The following FUT8 variants were observed in gnomAD, a reference collection of about 807,000 sequenced individuals.
FUT8 encodes fucosyltransferase 8.
In FUT8, 29 loss-of-function variants were observed where a neutral mutation model predicts 71.3. The observed-to-expected ratio is 0.41, with a 90% confidence interval of 0.30 to 0.55. FUT8 has a LOEUF of 0.55. Ranked by LOEUF, FUT8 falls within the 20% of genes least tolerant of loss-of-function variation. FUT8 has a pLI of 0.34. For synonymous variants in FUT8, 254 were observed against 239.3 expected (o/e 1.06, Z -0.57); for missense variants, 544 against 702.1 (o/e 0.77, Z 2.55).
chr14:65,421,767 T>A (rs1178505297), intron 1 of FUT8, among the ~76,000 whole-genome samples: 1 of 125,874 alleles, frequency 7.9e-6, no homozygotes, highest in Non-Finnish European at 1.6e-5. Context: ...TTTTGCCATA[T>A]CCACAGTCTT....
intron 2 of FUT8, among the ~76,000 whole-genome samples, chr14:65,557,405 T>C (rs952465460): frequency 5.9e-5 from 9 of 151,396 alleles, no homozygotes; most frequent in African/African-American, 2.2e-4. Context: ...TGATCTCGGC[T>C]CACTGCAACC....
At chr14:65,721,096 C>T (rs1023264299) in intron 7 of FUT8, among the ~76,000 whole-genome samples, 19 of 152,188 alleles carry the variant, frequency 1.2e-4, no homozygotes, top group African/African-American at 3.9e-4. Flanking sequence ...AAGTTAAAAT[C>T]AGGTACTGTG....
intron 9 of FUT8, among the ~76,000 whole-genome samples, chr14:65,731,616 T>G (rs1283991405): frequency 2.6e-5 from 4 of 152,208 alleles, no homozygotes; most frequent in Non-Finnish European, 1.5e-5. Flanking sequence ...GAGATAGGCC[T>G]GAGAGCTCTT....
At chr14:65,600,342 A>G (rs1259048325) in intron 3 of FUT8, among the ~76,000 whole-genome samples, 5 of 152,138 alleles carry the variant, frequency 3.3e-5, no homozygotes, top group Admixed American at 1.3e-4. Context: ...AGCTCTAAGT[A>G]GTCAGTGATT....
At chr14:65,433,986 T>G (rs1034406207) in intron 1 of FUT8, among the ~76,000 whole-genome samples, 8 of 152,186 alleles carry the variant, frequency 5.3e-5, no homozygotes, top group African/African-American at 1.9e-4. Flanking sequence ...TTCAAATGTG[T>G]GTGATTGCCC....
At chr14:65,455,857 T>C (rs2065887532) in intron 2 of FUT8, 139 bp downstream of exon 2, 1 of 391,666 alleles carries the variant, frequency 2.6e-6, no homozygotes, top group African/African-American at 2.1e-5. Context: ...TCTGTTGAAT[T>C]GTGTATTAGT....
rs2065176999 is a variant in FUT8 at position 65,413,719 on chromosome 14, A to G, written c.-326+505A>G. Among the ~76,000 whole-genome samples the G allele has an allele frequency of 6.6e-6, 1 of 152,104 alleles. No individual in the cohort carries two copies. Among genetic ancestry groups the G allele is most frequent in the South Asian group, 2.1e-4 (1 of 4,826 alleles). On this transcript the variant is annotated intron_variant, in intron 1 of 10. Coordinates refer to ENST00000673929, the MANE Select transcript of FUT8 (RefSeq NM_001371533.1). The surrounding 1 kb of genome is among the most constrained non-coding windows in gnomAD (Gnocchi z 4.1). ...GAGTGGACCCTCACAAAGATCCGCG[A>G]GGGACTGATGCAGGGCAGTTAAAGG...
At chr14:65,454,674 A>G (rs1460217120) in intron 1 of FUT8, among the ~76,000 whole-genome samples, 1 of 152,206 alleles carries the variant, frequency 6.6e-6, no homozygotes, top group Non-Finnish European at 1.5e-5. Flanking sequence ...TGTTGTTGAC[A>G]TAAGAGTAAA....
At chr14:65,440,704 G>T (rs932227126) in intron 1 of FUT8, among the ~76,000 whole-genome samples, 1 of 151,938 alleles carries the variant, frequency 6.6e-6, no homozygotes, top group Non-Finnish European at 1.5e-5. Flanking sequence ...GACTTCTTTG[G>T]CCACCTAAGG....
At chr14:65,667,566 A>T (rs1423378380) in intron 6 of FUT8, among the ~76,000 whole-genome samples, 1 of 152,226 alleles carries the variant, frequency 6.6e-6, no homozygotes, top group African/African-American at 2.4e-5. Context: ...CATGGGTAGG[A>T]AGAATCAGTA....
At chr14:65,370,747 A>C in the FUT8 span, among the ~76,000 whole-genome samples, 1 of 152,136 alleles carries the variant, frequency 6.6e-6, no homozygotes, top group Non-Finnish European at 1.5e-5. Flanking sequence ...TCTAGGAATT[A>C]AGCTGACAAA....
intron 6 of FUT8, among the ~76,000 whole-genome samples, chr14:65,633,320 G>A (rs1296430818): frequency 6.6e-6 from 1 of 152,206 alleles, no homozygotes; most frequent in Non-Finnish European, 1.5e-5. Context: ...TTCACTCAGT[G>A]CTCAGTGGTG....
At chr14:65,617,074 T>A in intron 5 of FUT8, 1 of 1,584,868 alleles carries the variant, frequency 6.3e-7, no homozygotes. Flanking sequence ...TATTTAAAAG[T>A]CTATGTTTCC....
intron 1 of FUT8, among the ~76,000 whole-genome samples, chr14:65,416,828 T>G (rs550563382): frequency 2.6e-5 from 4 of 151,124 alleles, no homozygotes; most frequent in Non-Finnish European, 5.9e-5. Flanking sequence ...TTGCCCAGGT[T>G]GGAGTGCAGT....
chr14:65,463,644 T>G (rs2065999561), intron 2 of FUT8, among the ~76,000 whole-genome samples: 1 of 152,184 alleles, frequency 6.6e-6, no homozygotes, highest in South Asian at 2.1e-4. Context: ...GTGTGGGCTG[T>G]TTTGATGATT....
intron 1 of FUT8, among the ~76,000 whole-genome samples, chr14:65,416,487 G>A (rs894377085): frequency 3.9e-5 from 6 of 151,978 alleles, no homozygotes; most frequent in African/African-American, 9.7e-5. Context: ...CATCAATGCT[G>A]CTTCTGTTGA....
intron 7 of FUT8, among the ~76,000 whole-genome samples, chr14:65,693,111 C>T (rs1211693944): frequency 6.6e-6 from 1 of 152,238 alleles, no homozygotes; most frequent in Non-Finnish European, 1.5e-5. Flanking sequence ...GGGTGGCGGC[C>T]AGGCAGAGGC....
chr14:65,477,314 A>G (rs1403840574), intron 2 of FUT8, among the ~76,000 whole-genome samples: 2 of 152,216 alleles, frequency 1.3e-5, no homozygotes, highest in Non-Finnish European at 2.9e-5. Flanking sequence ...AATGTTAATT[A>G]TTACTATTGT....
In FUT8 at chr14:65,538,697, A is replaced by G. The variant is rs145271901; in HGVS notation, c.-227-22640A>G. The stretch of plus-strand genomic sequence containing the variant: ...TAGTTTGGGTGGCCGAGGTAGGTGG[A>G]TTGCCTGAGGTCAGGAGTTCGAGAC... On this transcript the variant is annotated intron_variant, in intron 2 of 10. Transcript: ENST00000673929. Among the ~76,000 whole-genome samples, 916 of 152,274 alleles carry G rather than the reference A, an allele frequency of 6.0e-3. 11 individuals carry two copies. Among genetic ancestry groups the G allele is most frequent in the African/African-American group, 0.021 (856 of 41,534 alleles).
Sources: allele counts gnomAD v4.1 joint callset (sites outside exome capture counted in the v4.1 genomes callset), GRCh38; gene constraint gnomAD v4.1.1; non-coding constraint Gnocchi (gnomAD v3.1); transcripts MANE v1.5; gene names NCBI Gene and HGNC (gene_info 2026-07-23, HGNC 2026-07-21).